GAA: variants seen among roughly 807,000 people sequenced by gnomAD.
The protein encoded by GAA is alpha glucosidase.
Under a neutral mutation model 103.9 loss-of-function variants are expected in GAA, and 88 were observed. The observed-to-expected ratio is 0.85, with a 90% confidence interval of 0.71 to 1.01. The LOEUF (loss-of-function observed/expected upper bound fraction) is 1.01, where lower values mean the gene tolerates loss of function less well. GAA is among the 50% of genes least tolerant of loss of function. The probability of loss-of-function intolerance (pLI) is 0.00; values close to 1 mark genes in which losing one functional copy is unlikely to be tolerated. For synonymous variants in GAA, 572 were observed against 563.1 expected, an observed-to-expected ratio of 1.02 and a Z score of -0.22; for missense variants, 1,350 against 1,305.3, an observed-to-expected ratio of 1.03 and a Z score of -0.53.
In GAA at chr17:80,107,731, G is replaced by A; in HGVS notation, c.858+9G>A. The A allele has an allele frequency of 6.2e-7, 1 of 1,606,998 alleles. No homozygotes were observed. The highest frequency in any genetic ancestry group is 8.5e-7 in the Non-Finnish European group (1 of 1,177,710). On this transcript the variant is annotated intron_variant, in intron 4 of 19. Coordinates refer to ENST00000302262, the MANE Select transcript of GAA (RefSeq NM_000152.5). ...GGGACCTTGCGCCCACGGTACAGCG[G>A]CGGGCGGCGGGCGGGGGCACTGAGC...
intron 3 of GAA, among the ~76,000 whole-genome samples, chr17:80,106,548 C>T (rs916520181): frequency 6.6e-6 from 1 of 152,160 alleles, no homozygotes; most frequent in African/African-American, 2.4e-5. Flanking sequence ...TGGAAACCAG[C>T]TGTGCAGATG....
In GAA at chr17:80,119,844, G is replaced by A. The variant is rs2039444984; in HGVS notation, c.*513G>A. On this transcript the variant is annotated 3_prime_UTR_variant, in exon 20 of 20. Coordinates refer to ENST00000302262, the MANE Select transcript of GAA (RefSeq NM_000152.5). ...GGACTTGGGAGATTCTAAATCTTAA[G>A]TGCAATTATTTTTAATAAAAGGGGC... is the stretch of plus-strand genomic sequence containing the variant. The A allele has an allele frequency of 5.7e-6, 1 of 176,806 alleles. No individual in the cohort carries two copies. 11.0% of individuals were successfully genotyped at this position (176,806 alleles called of 1,614,324 possible). A position where few individuals can be genotyped will look rare whatever the true frequency, so the allele number is the denominator to read the frequency against.
Position 80,112,892 on chromosome 17 carries a change from C to A in GAA, c.1905C>A (p.Asn635Lys), listed in dbSNP as rs1414146587. The A allele has an allele frequency of 1.2e-6, 2 of 1,609,912 alleles. No individual in the cohort carries two copies. Among genetic ancestry groups the A allele is most frequent in the East Asian group, 2.2e-5 (1 of 44,828 alleles). ...ASSVPEILQF[N>K]LLGVPLVGAD... ...CCCTCCCAGAAATCCTGCAGTTTAACCTGCTGGGGGTGCCTCTGGTCGGGG... is the reference window on the plus strand; with the variant it reads ...CCCTCCCAGAAATCCTGCAGTTTAAACTGCTGGGGGTGCCTCTGGTCGGGG... The change falls in exon 14 of 20, where the codon AAC becomes AAA. Residue 635 changes from asparagine (N) to lysine (K), a missense_variant. By Grantham distance (94) the Asn-to-Lys change is moderately conservative (BLOSUM62 0). Coordinates refer to ENST00000302262, the MANE Select transcript of GAA (RefSeq NM_000152.5).
At chr17:80,117,801 T>C in intron 17 of GAA, 52 bp downstream of exon 17, 1 of 1,548,188 alleles carries the variant, frequency 6.5e-7, no homozygotes, top group Admixed American at 1.9e-5. Flanking sequence ...ACTGCAGAGC[T>C]GGGGGAGGCA....
intron 15 of GAA, among the ~76,000 whole-genome samples, chr17:80,115,642 G>A (rs535418191): frequency 5.9e-5 from 9 of 152,230 alleles, no homozygotes; most frequent in East Asian, 5.8e-4. Context: ...GTTTCTTTGC[G>A]TGTCTCATAC....
rs1298780199 is a variant in GAA, at chr17:80,112,884, C to G, written c.1897C>G (p.Gln633Glu). 6.2e-7 allele frequency: 1 copy of G among 1,608,920 alleles called. No individual in the cohort carries two copies. The highest frequency in any genetic ancestry group is 2.2e-5 in the East Asian group (1 of 44,812). The change falls in exon 14 of 20, where the codon CAG becomes GAG. Residue 633 changes from glutamine to glutamate, a missense_variant. Physicochemically the swap from Gln to Glu is conservative, Grantham distance 29. Coordinates refer to ENST00000302262, the MANE Select transcript of GAA (RefSeq NM_000152.5). ...QLASSVPEIL[Q>E]FNLLGVPLVG... is the part of the protein sequence containing the mutation. Reference sequence around the variant, plus strand: ...TGACTCTGCCCTCCCAGAAATCCTGCAGTTTAACCTGCTGGGGGTGCCTCT... The same window carrying G: ...TGACTCTGCCCTCCCAGAAATCCTGGAGTTTAACCTGCTGGGGGTGCCTCT...
chr17:80,104,607 C>T lies in GAA; in HGVS notation c.21C>T (p.Pro7=), dbSNP rs2143823837. Residue 7 remains proline, a synonymous_variant, in exon 2 of 20, where the codon CCC becomes CCT. Coordinates refer to ENST00000302262, the MANE Select transcript of GAA (RefSeq NM_000152.5). This position sits in a 1 kb window ranked among gnomAD's most constrained non-coding sequence, Gnocchi z 4.0. MGVRHP[P]CSHRLLAVCA... is the part of the protein sequence containing the mutation. Reference sequence around the variant, plus strand: ...CAACCATGGGAGTGAGGCACCCGCCCTGCTCCCACCGGCTCCTGGCCGTCT... The same window carrying T: ...CAACCATGGGAGTGAGGCACCCGCCTTGCTCCCACCGGCTCCTGGCCGTCT... 6.2e-7 allele frequency: 1 copy of T among 1,612,398 alleles called. No individual in the cohort carries two copies. The highest frequency in any genetic ancestry group is 1.1e-5 in the South Asian group (1 of 91,006).
intron 2 of GAA, 89 bp from the exon 3 acceptor site, chr17:80,105,660 C>G: frequency 6.7e-7 from 1 of 1,498,314 alleles, no homozygotes; most frequent in Non-Finnish European, 9.2e-7. Context: ...TGTGGCTGCA[C>G]CAGGACCTGA....
Position 80,110,782 on chromosome 17 carries a change from G to C in GAA, c.1493G>C (p.Trp498Ser). ...TTCACCAACCCCACAGCCCTGGCCT[G>C]GTGGGAGGACATGGTGGCTGAGTTC... ...PDFTNPTALA[W>S]WEDMVAEFHD... Residue 498 changes from tryptophan to serine, a missense_variant, in exon 10 of 20, where the codon TGG becomes TCG. Trp to Ser is a radical substitution (Grantham distance 177). Coordinates refer to ENST00000302262, the MANE Select transcript of GAA (RefSeq NM_000152.5). 1 of 1,614,168 alleles carries C rather than the reference G, an allele frequency of 6.2e-7. No homozygotes were observed. The highest frequency in any genetic ancestry group is 8.5e-7 in the Non-Finnish European group (1 of 1,180,024).
intron 3 of GAA, among the ~76,000 whole-genome samples, 193 bp downstream of exon 3, chr17:80,106,087 C>T (rs1479685104): frequency 6.6e-6 from 1 of 152,154 alleles, no homozygotes; most frequent in African/African-American, 2.4e-5. Context: ...GGTCTAAATC[C>T]CATGTAAACA....
intron 11 of GAA, 81 bp downstream of exon 11, chr17:80,111,106 A>C: frequency 3.8e-6 from 5 of 1,307,970 alleles, no homozygotes; most frequent in African/African-American, 1.5e-5. Context: ...TAGCACCCTC[A>C]TCTCTGAGAA....
At chr17:80,106,609 A>G (rs2039095370) in intron 3 of GAA, among the ~76,000 whole-genome samples, 1 of 152,216 alleles carries the variant, frequency 6.6e-6, no homozygotes, top group South Asian at 2.1e-4. Context: ...GAGAGACCCA[A>G]GAGAAGTTTC....
At chr17:80,108,443 C>T (rs2039147041) in intron 6 of GAA, 34 bp downstream of exon 6, 12 of 1,613,128 alleles carry the variant, frequency 7.4e-6, no homozygotes, top group Non-Finnish European at 9.3e-6. Context: ...GCCCCCGCCC[C>T]AAGGCTCCCT....
In GAA at chr17:80,107,690, A is replaced by G. The variant is rs1407348932; in HGVS notation, c.826A>G (p.Ile276Val). The change falls in exon 4 of 20, where the codon ATC becomes GTC. Residue 276 changes from isoleucine (I) to valine (V), a missense_variant. Ile to Val is a conservative substitution (Grantham distance 29, BLOSUM62 3). Coordinates refer to ENST00000302262, the MANE Select transcript of GAA (RefSeq NM_000152.5). ...PLMLSTSWTR[I>V]TLWNRDLAPT... ...GATGCTCAGCACCAGCTGGACCAGG[A>G]TCACCCTGTGGAACCGGGACCTTGC... 6.2e-7 allele frequency: 1 copy of G among 1,612,766 alleles called. No homozygotes were observed. The highest frequency in any genetic ancestry group is 8.5e-7 in the Non-Finnish European group (1 of 1,179,814).
At chr17:80,103,292 G>A (rs1281539945) in intron 1 of GAA, among the ~76,000 whole-genome samples, 4 of 152,172 alleles carry the variant, frequency 2.6e-5, no homozygotes, top group East Asian at 3.8e-4. Context: ...CCTCAGAGAC[G>A]CAGACCCCTC....
Position 80,105,143 on chromosome 17 carries a change from C to T in GAA, c.546+11C>T. On this transcript the variant is annotated intron_variant, in intron 2 of 19. Transcript: ENST00000302262. ...CGCCTCCACTTCACGGTGGGCAGGGCAGGGGCGGGGGCGGCGGCCAGGGCA... is the reference window on the plus strand; with the variant it reads ...CGCCTCCACTTCACGGTGGGCAGGGTAGGGGCGGGGGCGGCGGCCAGGGCA... 1.3e-6 allele frequency: 2 copies of T among 1,599,786 alleles called. No homozygotes were observed. Among genetic ancestry groups the T allele is most frequent in the Non-Finnish European group, 1.7e-6 (2 of 1,175,392 alleles).
Position 80,112,719 on chromosome 17 carries a change from C to T in GAA, c.1888+8C>T, listed in dbSNP as rs772887194. ...TCGCCTCCTCCGTGCCAGGTGAGCT[C>T]CTACCAGGAGGGGCTGCTCAGCAGA... On this transcript the variant is annotated splice_region_variant and intron_variant, in intron 13 of 19. Coordinates refer to ENST00000302262, the MANE Select transcript of GAA (RefSeq NM_000152.5). 8 of 1,603,948 alleles carry T rather than the reference C, an allele frequency of 5.0e-6. No individual in the cohort carries two copies. The Admixed American group carries it at 1.4e-4, about 27-fold the overall frequency.
At chr17:80,112,231 T>A in intron 12 of GAA, 131 bp downstream of exon 12, 1 of 902,110 alleles carries the variant, frequency 1.1e-6, no homozygotes, top group South Asian at 1.3e-5. Context: ...GCGGCCCGAG[T>A]GCTCTCCCCA....
intron 15 of GAA, among the ~76,000 whole-genome samples, chr17:80,114,272 A>G (rs531910454): frequency 6.6e-4 from 101 of 152,340 alleles, no homozygotes; most frequent in African/African-American, 2.3e-3. Flanking sequence ...TACGTTGGTA[A>G]GACCAAGACT....
Sources: allele counts gnomAD v4.1 joint callset (sites outside exome capture counted in the v4.1 genomes callset), GRCh38; gene constraint gnomAD v4.1.1; non-coding constraint Gnocchi (gnomAD v3.1); transcripts MANE v1.5; gene names NCBI Gene and HGNC (gene_info 2026-07-23, HGNC 2026-07-21).